CHLSN: variants seen among roughly 807,000 people sequenced by gnomAD.
CHLSN encodes the protein protein cholesin.
At chr7:1,118,855 A>AT in the CHLSN span, among the ~76,000 whole-genome samples, 6,956 of 149,034 alleles carry the variant, frequency 0.047, 565 homozygotes, top group African/African-American at 0.16. Context: ...ATTAAAGCAT[A>AT]TTTTTTTTTA....
the CHLSN span, among the ~76,000 whole-genome samples, chr7:996,491 G>A: frequency 1.3e-5 from 2 of 152,228 alleles, no homozygotes; most frequent in African/African-American, 4.8e-5. Context: ...AACCTGGGCT[G>A]GGCAGGAGGC....
At chr7:1,082,685 G>C in the CHLSN span, among the ~76,000 whole-genome samples, 2 of 152,182 alleles carry the variant, frequency 1.3e-5, no homozygotes, top group Non-Finnish European at 2.9e-5. Context: ...TGGGGGGCAG[G>C]GCAGGTGCTG....
chr7:1,089,295 A>C, the CHLSN span, among the ~76,000 whole-genome samples: 5 of 152,238 alleles, frequency 3.3e-5, no homozygotes, highest in Admixed American at 3.3e-4. Context: ...GCCCCAGCTA[A>C]GTGAAGGTTA....
At chr7:1,115,478 G>T in the CHLSN span, among the ~76,000 whole-genome samples, 3 of 151,910 alleles carry the variant, frequency 2.0e-5, no homozygotes, top group African/African-American at 7.3e-5. Context: ...CAACGCCCAC[G>T]CAGGATGACT....
chr7:1,120,829 G>A, the CHLSN span, among the ~76,000 whole-genome samples: 5 of 145,720 alleles, frequency 3.4e-5, no homozygotes, highest in African/African-American at 9.8e-5. Context: ...GCGTAGTGTG[G>A]CCGGCAGGCG....
chr7:1,013,795 C>T, the CHLSN span, among the ~76,000 whole-genome samples: 1 of 152,164 alleles, frequency 6.6e-6, no homozygotes. Flanking sequence ...TATCTCAATG[C>T]TAGGACAGTC....
chr7:1,068,240 C>T, the CHLSN span, among the ~76,000 whole-genome samples: 5 of 152,152 alleles, frequency 3.3e-5, no homozygotes, highest in Middle Eastern at 3.2e-3. Flanking sequence ...AGTTTCCCCT[C>T]GTGGTGCTCA....
the CHLSN span, among the ~76,000 whole-genome samples, chr7:1,068,640 C>G: frequency 2.6e-5 from 4 of 152,174 alleles, no homozygotes; most frequent in Non-Finnish European, 5.9e-5. Context: ...CTCCCCATCC[C>G]CAGTCTTCCC....
chr7:1,101,415 G>A, the CHLSN span, among the ~76,000 whole-genome samples: 14 of 151,270 alleles, frequency 9.3e-5, no homozygotes, highest in South Asian at 2.1e-4. Flanking sequence ...GAGCAGGCGC[G>A]TGCGGCGTCG....
the CHLSN span, among the ~76,000 whole-genome samples, chr7:1,041,257 GCGCTGCGGGGAAGGGGACCTGGGC>G: frequency 6.7e-6 from 1 of 149,878 alleles, no homozygotes; most frequent in African/African-American, 2.5e-5. Flanking sequence ...CCTGGGCTCC[GCGCTGCGGGGAAGGGGACCTGGGC>G]TCCGCGCTGC....
At chr7:1,053,071 T>TG in the CHLSN span, among the ~76,000 whole-genome samples, 1 of 152,038 alleles carries the variant, frequency 6.6e-6, no homozygotes, top group South Asian at 2.1e-4. Flanking sequence ...GCCTGCCCAG[T>TG]GGGGGGAGAA....
At chr7:979,038 G>A in the CHLSN span, among the ~76,000 whole-genome samples, 5 of 152,200 alleles carry the variant, frequency 3.3e-5, no homozygotes, top group East Asian at 1.9e-4. Flanking sequence ...ACAGCATGGC[G>A]GCTGGGTCCA....
chr7:1,097,228 C>T, the CHLSN span, among the ~76,000 whole-genome samples: 1 of 152,210 alleles, frequency 6.6e-6, no homozygotes, highest in South Asian at 2.1e-4. The surrounding 1 kb of genome is among the most constrained non-coding windows in gnomAD (Gnocchi z 4.3). Flanking sequence ...ACACTGCCAC[C>T]CTCCAGAAGG....
the CHLSN span, among the ~76,000 whole-genome samples, chr7:1,016,993 C>T: frequency 5.5e-5 from 8 of 146,326 alleles, no homozygotes; most frequent in African/African-American, 1.3e-4. Context: ...CGCACAGCAG[C>T]GCACAGGAGC....
At chr7:1,097,261 G>A in the CHLSN span, among the ~76,000 whole-genome samples, 1 of 152,268 alleles carries the variant, frequency 6.6e-6, no homozygotes, top group East Asian at 1.9e-4. This position sits in a 1 kb window ranked among gnomAD's most constrained non-coding sequence, Gnocchi z 4.3. Context: ...GGGAGAAATG[G>A]CTGATTTGGG....
At chr7:1,002,352 GT>G in the CHLSN span, among the ~76,000 whole-genome samples, 5 of 126,838 alleles carry the variant, frequency 3.9e-5, no homozygotes, top group African/African-American at 1.2e-4. Flanking sequence ...TGGGTGGGGA[GT>G]CCTGTGGGTG....
the CHLSN span, chr7:1,021,592 CT>C: frequency 1.0e-6 from 1 of 984,160 alleles, no homozygotes; most frequent in African/African-American, 1.7e-5. Flanking sequence ...TTTCCCCATG[CT>C]GTTGGATGGG....
At chr7:1,009,977 G>T in the CHLSN span, 10 of 1,575,466 alleles carry the variant, frequency 6.3e-6, no homozygotes, top group African/African-American at 1.3e-4. Flanking sequence ...GGCCAGTTCG[G>T]CCCCCGAGCG....
At chr7:1,117,455 G>T in the CHLSN span, among the ~76,000 whole-genome samples, 45 of 124,118 alleles carry the variant, frequency 3.6e-4, 2 homozygotes, top group African/African-American at 1.5e-3. Flanking sequence ...GCCCACGCAG[G>T]ATGATGACAT....
Sources: allele counts gnomAD v4.1 joint callset (sites outside exome capture counted in the v4.1 genomes callset), GRCh38; gene constraint gnomAD v4.1.1; non-coding constraint Gnocchi (gnomAD v3.1); transcripts MANE v1.5; gene names NCBI Gene and HGNC (gene_info 2026-07-23, HGNC 2026-07-21).